Variants in AP1G2 observed in about 807,000 individuals in gnomAD.
The protein encoded by AP1G2 is AP-1 complex subunit gamma-like 2.
A neutral mutation model predicts 95.8 loss-of-function variants in AP1G2; 85 were observed. The ratio of observed to expected loss-of-function variants is 0.89; its 90% confidence interval spans 0.74 to 1.06. The LOEUF (loss-of-function observed/expected upper bound fraction) is 1.06. Among genes scored for constraint, AP1G2 ranks in the 50% least tolerant of loss-of-function variants. AP1G2 has a pLI of 0.00. For synonymous variants in AP1G2, 378 were observed against 400.0 expected (o/e 0.94, Z 0.66); for missense variants, 967 against 1,005.8 (o/e 0.96, Z 0.52).
chr14:23,560,332 G>A lies in AP1G2; in HGVS notation c.2080C>T (p.Leu694=), dbSNP rs1472908604. The A allele has an allele frequency of 6.2e-7, 1 of 1,614,112 alleles. No individual in the cohort carries two copies. The highest frequency in any genetic ancestry group is 8.5e-7 in the Non-Finnish European group (1 of 1,180,026). ...TTGGTGGCAGTGATGGTGATTAACA[G>A]CAAAGCAGGGTTTTCAGGGGGTCGA... ...FIRPPENPAL[L]LITITATNFS... is the part of the protein sequence containing the mutation. The change falls in exon 20 of 22, where the codon CTG becomes TTG. Residue 694 remains leucine, a synonymous_variant. Transcript: ENST00000397120.
At position 23,559,620 on chromosome 14, in the gene AP1G2, C is replaced by A; in HGVS notation, c.*129G>T. On this transcript the variant is annotated 3_prime_UTR_variant, in exon 22 of 22. Coordinates refer to ENST00000397120, the MANE Select transcript of AP1G2 (RefSeq NM_003917.5). ...GGGCTTTATTTGTGGGAGAAGGGGG[C>A]TGGTCCCCAGTTTTTGCAGTGCAAA... The A allele has an allele frequency of 1.3e-6, 1 of 745,900 alleles. No individual in the cohort carries two copies. Among genetic ancestry groups the A allele is most frequent in the Non-Finnish European group, 2.3e-6 (1 of 436,316 alleles). The allele number at this position is 745,900 out of a possible 1,614,324, so 46.2% of individuals were successfully genotyped here. A position where few individuals can be genotyped will look rare whatever the true frequency, so the allele number is the denominator to read the frequency against.
chr14:23,560,337 G>T lies in AP1G2; in HGVS notation c.2075C>A (p.Ala692Asp). The T allele has an allele frequency of 6.2e-7, 1 of 1,614,118 alleles. No individual in the cohort carries two copies. The highest frequency in any genetic ancestry group is 8.5e-7 in the Non-Finnish European group (1 of 1,180,030). The change falls in exon 20 of 22, where the codon GCT (alanine) becomes GAT (aspartate). Residue 692 changes from alanine (A) to aspartate (D), a missense_variant. Transcript: ENST00000397120. Reference protein sequence around the residue: ...LSFIRPPENPALLLITITATN... With the variant: ...LSFIRPPENPDLLLITITATN... ...GGCAGTGATGGTGATTAACAGCAAAGCAGGGTTTTCAGGGGGTCGAATGAA... is the reference window on the plus strand; with the variant it reads ...GGCAGTGATGGTGATTAACAGCAAATCAGGGTTTTCAGGGGGTCGAATGAA...
chr14:23,561,726 G>A (rs1595276665), intron 17 of AP1G2, 91 bp from the exon 18 acceptor site: 5 of 1,547,180 alleles, frequency 3.2e-6, no homozygotes, highest in Non-Finnish European at 4.4e-6. Context: ...ATGGAGCCCT[G>A]GGCACATGGT....
At chr14:23,566,526 C>T (rs779671799) in intron 3 of AP1G2, 36 bp downstream of exon 3, 1 of 1,611,664 alleles carries the variant, frequency 6.2e-7, no homozygotes, top group South Asian at 1.1e-5. Context: ...ACTCTCCCAT[C>T]TCCCTGATTC....
rs1239251532 is a variant in AP1G2 at position 23,567,544 on chromosome 14, T to G, written c.-6+195A>C. ...CGCACCCCACCGGCGCCCCTTCCTATTGAGCATGCGCGGGAGCCCCACCTA... is the reference window on the plus strand; with the variant it reads ...CGCACCCCACCGGCGCCCCTTCCTAGTGAGCATGCGCGGGAGCCCCACCTA... On this transcript the variant is annotated intron_variant, in intron 1 of 21. Transcript: ENST00000397120. This position sits in a 1 kb window ranked among gnomAD's most constrained non-coding sequence, Gnocchi z 5.3. The G allele has an allele frequency of 1.5e-6, 2 of 1,338,428 alleles. No homozygotes were observed. The highest frequency in any genetic ancestry group is 3.1e-5 in the African/African-American group (2 of 65,228). 82.9% of individuals were successfully genotyped at this position (1,338,428 alleles called of 1,614,324 possible).
Position 23,564,126 on chromosome 14 carries a change from C to T in AP1G2, c.1011G>A (p.Val337=), listed in dbSNP as rs1452407061. ...GCTGCACAGCACTGTGATCAGACTG[C>T]ACCAGTCGAAGCAGTGATGTCAGGG... The part of the protein sequence containing the change: ...YVALTSLLRL[V]QSDHSAVQRH... Residue 337 remains valine (V), a synonymous_variant, in exon 11 of 22, where the codon GTG becomes GTA. Coordinates refer to ENST00000397120, the MANE Select transcript of AP1G2 (RefSeq NM_003917.5). 3.1e-6 allele frequency: 5 copies of T among 1,614,074 alleles called. No homozygotes were observed. Among genetic ancestry groups the T allele is most frequent in the Non-Finnish European group, 1.7e-6 (2 of 1,180,038 alleles).
intron 16 of AP1G2, 43 bp downstream of exon 16, chr14:23,562,245 C>T: frequency 6.2e-7 from 1 of 1,610,804 alleles, no homozygotes; most frequent in Non-Finnish European, 8.5e-7. Context: ...ATGGGTGGAC[C>T]CAGTGACAGG....
At chr14:23,566,492 TC>T (rs1249893809) in intron 3 of AP1G2, 69 bp downstream of exon 3, 14 of 1,607,056 alleles carry the variant, frequency 8.7e-6, no homozygotes, top group Non-Finnish European at 1.1e-5. Context: ...CAACAGGCAG[TC>T]CCCTGGGATT....
In AP1G2 at chr14:23,565,207, T is replaced by C. The variant is rs1332943479; in HGVS notation, c.742-8A>G. On this transcript the variant is annotated splice_polypyrimidine_tract_variant and splice_region_variant and intron_variant, in intron 7 of 21. Coordinates refer to ENST00000397120, the MANE Select transcript of AP1G2 (RefSeq NM_003917.5). ...CAGACGAAGTATCTGGACCTGAGGT[T>C]GGGTTGAAAATGGAAAGTTGGAGGG... The C allele has an allele frequency of 6.2e-7, 1 of 1,613,814 alleles. No homozygotes were observed.
rs765917392 is a variant in AP1G2, at chr14:23,564,392, T to C, written c.922-4A>G. 6.2e-6 allele frequency: 10 copies of C among 1,614,102 alleles called. No homozygotes were observed. The highest frequency in any genetic ancestry group is 1.7e-5 in the Admixed American group (1 of 60,016). On this transcript the variant is annotated splice_polypyrimidine_tract_variant and splice_region_variant and intron_variant, in intron 9 of 21. Coordinates refer to ENST00000397120, the MANE Select transcript of AP1G2 (RefSeq NM_003917.5). Reference sequence around the variant, plus strand: ...CAAGAATGTTGACAGCTAGAACCTATGAGAGGCAGAAGTTGGGGTCAGTCG... The same window carrying C: ...CAAGAATGTTGACAGCTAGAACCTACGAGAGGCAGAAGTTGGGGTCAGTCG...
Position 23,561,448 on chromosome 14 carries a change from A to AAGGGGC in AP1G2, c.1858-23_1858-18dup. 3 of 1,613,246 alleles carry AAGGGGC rather than the reference A, an allele frequency of 1.9e-6. No homozygotes were observed. Among genetic ancestry groups the AAGGGGC allele is most frequent in the Non-Finnish European group, 2.5e-6 (3 of 1,179,342 alleles). Reference sequence around the variant, plus strand: ...CTGTGAGGCCTGGCAGAAGGGACAGAAGGGGCAGGGCTGGGTATGAAGCTC... The same window carrying AAGGGGC: ...CTGTGAGGCCTGGCAGAAGGGACAGAAGGGGCAGGGGCAGGGCTGGGTATGAAGCTC... On this transcript the variant is annotated splice_polypyrimidine_tract_variant and intron_variant, in intron 18 of 21. Coordinates refer to ENST00000397120, the MANE Select transcript of AP1G2 (RefSeq NM_003917.5).
Position 23,567,306 on chromosome 14 carries a change from C to A in AP1G2, c.9G>T (p.Val3=). 1.9e-6 allele frequency: 3 copies of A among 1,612,510 alleles called. No individual in the cohort carries two copies. The East Asian group carries it at 6.7e-5, about 36-fold the overall frequency. The part of the protein sequence containing the change: MV[V]PSLKLQDLIE... ...TGAGGTCCTGAAGCTTCAGCGAAGG[C>A]ACCACCATCCTGACTGGCAGAGTCC... Residue 3 remains valine (V), a synonymous_variant, in exon 2 of 22, where the codon GTG becomes GTT. Coordinates refer to ENST00000397120, the MANE Select transcript of AP1G2 (RefSeq NM_003917.5). The surrounding 1 kb of genome is among the most constrained non-coding windows in gnomAD (Gnocchi z 5.3).
chr14:23,567,588 T>C lies in AP1G2; in HGVS notation c.-6+151A>G. The stretch of plus-strand genomic sequence containing the variant: ...CCACCTATTTCTCTCTACCGTTTCC[T>C]CCCCCTACCTGGTACCCCATCCCTA... On this transcript the variant is annotated intron_variant, in intron 1 of 21. Coordinates refer to ENST00000397120, the MANE Select transcript of AP1G2 (RefSeq NM_003917.5). This position sits in a 1 kb window ranked among gnomAD's most constrained non-coding sequence, Gnocchi z 5.3. 2 of 1,246,260 alleles carry C rather than the reference T, an allele frequency of 1.6e-6. No individual in the cohort carries two copies. Among genetic ancestry groups the C allele is most frequent in the Non-Finnish European group, 2.0e-6 (2 of 993,986 alleles). The allele number at this position is 1,246,260 out of a possible 1,614,324, so 77.2% of individuals were successfully genotyped here. A position where few individuals can be genotyped will look rare whatever the true frequency, so the allele number is the denominator to read the frequency against.
chr14:23,567,393 G>A lies in AP1G2; in HGVS notation c.-5-74C>T. ...GGCTTTCGGCCCAGGCCCGTCCTGT[G>A]TCAAGACCCTAAGAGCCCGGGTCCC... On this transcript the variant is annotated intron_variant, in intron 1 of 21. Transcript: ENST00000397120. This position sits in a 1 kb window ranked among gnomAD's most constrained non-coding sequence, Gnocchi z 5.3. 1.3e-6 allele frequency: 2 copies of A among 1,504,990 alleles called. No homozygotes were observed. Among genetic ancestry groups the A allele is most frequent in the Non-Finnish European group, 1.8e-6 (2 of 1,137,176 alleles). 93.2% of individuals were successfully genotyped at this position (1,504,990 alleles called of 1,614,324 possible). A position where few individuals can be genotyped will look rare whatever the true frequency, so the allele number is the denominator to read the frequency against.
chr14:23,566,388 C>T lies in AP1G2; in HGVS notation c.361G>A (p.Gly121Ser), dbSNP rs1887990248. Residue 121 changes from glycine to serine, a missense_variant, in exon 4 of 22, where the codon GGC (glycine) becomes AGC (serine). Coordinates refer to ENST00000397120, the MANE Select transcript of AP1G2 (RefSeq NM_003917.5). ...DLSQGIQPVQ[G>S]LALCTLSTMG... Reference sequence around the variant, plus strand: ...GTGCTCAAAGTGCACAAGGCCAGGCCTTGTACTGGCTGAATCCCCTGGCTC... The same window carrying T: ...GTGCTCAAAGTGCACAAGGCCAGGCTTTGTACTGGCTGAATCCCCTGGCTC... 1.2e-6 allele frequency: 2 copies of T among 1,613,892 alleles called. No individual in the cohort carries two copies. Among genetic ancestry groups the T allele is most frequent in the Admixed American group, 3.3e-5 (2 of 60,012 alleles).
Position 23,566,691 on chromosome 14 carries a change from A to G in AP1G2, c.205-5T>C, listed in dbSNP as rs1888183182. 6.2e-7 allele frequency: 1 copy of G among 1,614,060 alleles called. No homozygotes were observed. Among genetic ancestry groups the G allele is most frequent in the Admixed American group, 1.7e-5 (1 of 60,012 alleles). ...GATCAGTTTCAGGCACTCCATCTAT[A>G]GTGAAGGGGGCAGACCAGGAAGAGG... On this transcript the variant is annotated splice_polypyrimidine_tract_variant and splice_region_variant and intron_variant, in intron 2 of 21. Coordinates refer to ENST00000397120, the MANE Select transcript of AP1G2 (RefSeq NM_003917.5).
chr14:23,560,164 C>T, intron 20 of AP1G2, 91 bp downstream of exon 20: 1 of 1,521,646 alleles, frequency 6.6e-7, no homozygotes, highest in East Asian at 2.3e-5. Flanking sequence ...GACTCAATCC[C>T]ATCTCACACT....
rs749982998 is a variant in AP1G2 at position 23,563,444 on chromosome 14, G to GC, written c.1345dup (p.Ala449GlyfsTer49). 2.2e-5 allele frequency: 36 copies of GC among 1,612,966 alleles called. No individual in the cohort carries two copies. Among genetic ancestry groups the GC allele is most frequent in the African/African-American group, 5.3e-5 (4 of 74,874 alleles). ...CACAGAGTAGGCATGTAGCTCCTGG[G>GC]CCCCCCCAATCAGCTGGGTCAGGTT... On this transcript the variant is annotated frameshift_variant, in exon 14 of 22. Coordinates refer to ENST00000397120, the MANE Select transcript of AP1G2 (RefSeq NM_003917.5). LOFTEE classifies it high-confidence loss of function.
Position 23,564,617 on chromosome 14 carries a change from A to C in AP1G2, c.866T>G (p.Val289Gly). The C allele has an allele frequency of 1.2e-6, 2 of 1,613,782 alleles. No homozygotes were observed. The highest frequency in any genetic ancestry group is 1.7e-6 in the Non-Finnish European group (2 of 1,180,012). The change falls in exon 9 of 22, where the codon GTC (valine) becomes GGC (glycine). Residue 289 changes from valine (V) to glycine (G), a missense_variant. Coordinates refer to ENST00000397120, the MANE Select transcript of AP1G2 (RefSeq NM_003917.5). ...GATGGTGAGTACTGTCTCAAACAGG[A>C]CCGCATTTCCGGCATTTCGGCTGGT... ...TDTSRNAGNA[V>G]LFETVLTIMD... is the part of the protein sequence containing the mutation.
Sources: gnomAD v4.1 joint callset for allele counts on GRCh38, gnomAD v4.1.1 for gene constraint, Gnocchi (gnomAD v3.1) non-coding constraint, MANE v1.5 for transcripts, NCBI Gene and HGNC (gene_info 2026-07-23, HGNC 2026-07-21) for gene names.